ALDH1A1: variants seen among roughly 807,000 people sequenced by gnomAD.
ALDH1A1 encodes the protein aldehyde dehydrogenase 1A1.
In ALDH1A1, 19 loss-of-function variants were observed where a neutral mutation model predicts 62.1. That is an observed-to-expected ratio of 0.31 (90% CI 0.21 to 0.45). The LOEUF is 0.45. ALDH1A1 is among the 20% of genes least tolerant of loss of function. The pLI, the probability that ALDH1A1 is intolerant of heterozygous loss-of-function variation, is 1.00. For synonymous variants in ALDH1A1, 231 were observed against 215.9 expected, an observed-to-expected ratio of 1.07 and a Z score of -0.61; for missense variants, 521 against 607.1, an observed-to-expected ratio of 0.86 and a Z score of 1.49.
At chr9:72,925,877 A>G (rs1830198936) in intron 5 of ALDH1A1, among the ~76,000 whole-genome samples, 1 of 152,220 alleles carries the variant, frequency 6.6e-6, no homozygotes, top group Admixed American at 6.5e-5. Context: ...TACCAGGAAA[A>G]AAAAAATCAC....
intron 7 of ALDH1A1, 92 bp downstream of exon 7, chr9:72,923,927 A>T: frequency 1.2e-6 from 1 of 837,028 alleles, no homozygotes; most frequent in Non-Finnish European, 1.8e-6. Flanking sequence ...TTTTTGTTTT[A>T]AAATTGTTGG....
chr9:72,937,877 G>A (rs928245049), intron 2 of ALDH1A1, among the ~76,000 whole-genome samples: 10 of 152,168 alleles, frequency 6.6e-5, no homozygotes, highest in Non-Finnish European at 1.5e-4. Context: ...GAAAGCCAGT[G>A]ACATTTGTCA....
intron 1 of ALDH1A1, among the ~76,000 whole-genome samples, chr9:72,948,988 G>A (rs534104565): frequency 3.3e-4 from 50 of 151,836 alleles, no homozygotes; most frequent in South Asian, 2.1e-3. Flanking sequence ...TGCCTGGGAC[G>A]TATTATTCAA....
chr9:72,908,552 GAAGAAAGAAAGA>G (rs141763068), intron 11 of ALDH1A1, among the ~76,000 whole-genome samples: 18,309 of 91,330 alleles, frequency 0.2, 2,060 homozygotes, highest in East Asian at 0.22. Flanking sequence ...AGAAAAGAAA[GAAGAAAGAAAGA>G]AAGAAAGAAA....
At chr9:72,932,370 T>C (rs1030705193) in intron 2 of ALDH1A1, among the ~76,000 whole-genome samples, 2 of 152,146 alleles carry the variant, frequency 1.3e-5, no homozygotes, top group Admixed American at 6.5e-5. Flanking sequence ...CCTTAGGCTA[T>C]ATTCAATCAA....
intron 2 of ALDH1A1, among the ~76,000 whole-genome samples, chr9:72,939,498 C>T (rs1830388212): frequency 6.6e-6 from 1 of 151,228 alleles, no homozygotes; most frequent in Non-Finnish European, 1.5e-5. Flanking sequence ...TATCTAGCAA[C>T]ATAAAAAGAA....
chr9:72,914,893 GT>G (rs952716197), intron 9 of ALDH1A1, among the ~76,000 whole-genome samples: 1 of 151,746 alleles, frequency 6.6e-6, no homozygotes, highest in African/African-American at 2.4e-5. Context: ...TTCCATCATT[GT>G]ATTTAAAAGC....
chr9:72,932,469 G>T (rs1279394854), intron 2 of ALDH1A1, among the ~76,000 whole-genome samples: 1 of 152,142 alleles, frequency 6.6e-6, no homozygotes, highest in Admixed American at 6.5e-5. Flanking sequence ...TCTGGGGCAA[G>T]AGAGATATTT....
At chr9:72,934,159 C>A (rs1830319749) in intron 2 of ALDH1A1, among the ~76,000 whole-genome samples, 1 of 152,102 alleles carries the variant, frequency 6.6e-6, no homozygotes, top group Non-Finnish European at 1.5e-5. Context: ...TGGGTTCAAG[C>A]AACCTGGCTG....
Position 72,917,109 on chromosome 9 carries a change from G to A in ALDH1A1, c.851-5C>T, listed in dbSNP as rs201857856. ...CAAATTCAACAGCATTGTCCACTGC[G>A]AAGAAGACATTCACATTAAAGATAT... On this transcript the variant is annotated splice_polypyrimidine_tract_variant and splice_region_variant and intron_variant, in intron 8 of 12. Transcript: ENST00000297785. The A allele has an allele frequency of 1.9e-5, 29 of 1,514,964 alleles. No homozygotes were observed. The highest frequency in any genetic ancestry group is 3.5e-4 in the Middle Eastern group (2 of 5,692). The allele number at this position is 1,514,964 out of a possible 1,614,324, so 93.8% of individuals were successfully genotyped here.
intron 8 of ALDH1A1, among the ~76,000 whole-genome samples, chr9:72,917,597 A>T (rs1451939218): frequency 6.6e-6 from 1 of 152,206 alleles, no homozygotes; most frequent in African/African-American, 2.4e-5. Context: ...ACAACTAAAA[A>T]GTAACAAAAA....
chr9:72,932,472 A>G (rs1830294635), intron 2 of ALDH1A1, among the ~76,000 whole-genome samples: 1 of 152,168 alleles, frequency 6.6e-6, no homozygotes, highest in South Asian at 2.1e-4. Context: ...GGGGCAAGAG[A>G]GATATTTTAG....
intron 7 of ALDH1A1, among the ~76,000 whole-genome samples, chr9:72,919,757 T>G (rs1025148328): frequency 2.0e-5 from 3 of 152,218 alleles, no homozygotes; most frequent in Non-Finnish European, 2.9e-5. Context: ...CTTTGAACAG[T>G]GGAACTGGAT....
intron 6 of ALDH1A1, among the ~76,000 whole-genome samples, chr9:72,924,477 T>C (rs1053663222): frequency 6.6e-6 from 1 of 152,214 alleles, no homozygotes; most frequent in African/African-American, 2.4e-5. Context: ...GTAAGTAACA[T>C]GTTTATTATT....
At chr9:72,918,947 G>GT in intron 7 of ALDH1A1, 125 bp from the exon 8 acceptor site, 1 of 655,216 alleles carries the variant, frequency 1.5e-6, no homozygotes. Context: ...ACACCAAATG[G>GT]CTTTTTTTTT....
At chr9:72,937,479 G>A (rs968524750) in intron 2 of ALDH1A1, among the ~76,000 whole-genome samples, 2 of 152,232 alleles carry the variant, frequency 1.3e-5, no homozygotes, top group South Asian at 4.2e-4. Context: ...GCCTGGCACC[G>A]TTGAAGAGCT....
chr9:72,912,670 C>T (rs1830007102), intron 9 of ALDH1A1, among the ~76,000 whole-genome samples: 1 of 152,170 alleles, frequency 6.6e-6, no homozygotes, highest in South Asian at 2.1e-4. Context: ...AGTCTGCGCA[C>T]CCTTCCCAGT....
chr9:72,926,287 G>A (rs1323576083), intron 5 of ALDH1A1, among the ~76,000 whole-genome samples: 1 of 152,170 alleles, frequency 6.6e-6, no homozygotes, highest in Non-Finnish European at 1.5e-5. Context: ...TATTATCAGT[G>A]TTCATAATTA....
At chr9:72,936,742 G>A (rs1324762839) in intron 2 of ALDH1A1, among the ~76,000 whole-genome samples, 1 of 152,124 alleles carries the variant, frequency 6.6e-6, no homozygotes, top group Non-Finnish European at 1.5e-5. Context: ...TGGTTTGGTA[G>A]CATTTCAGAG....
Sources: allele counts gnomAD v4.1 joint callset (sites outside exome capture counted in the v4.1 genomes callset), GRCh38; gene constraint gnomAD v4.1.1; transcripts MANE v1.5; gene names NCBI Gene and HGNC (gene_info 2026-07-23, HGNC 2026-07-21).